CREB5: variants seen among roughly 807,000 people sequenced by gnomAD.
The protein encoded by CREB5 is cyclic AMP-responsive element-binding protein 5.
CREB5 carries 19 observed loss-of-function variants against 57.1 expected under a neutral mutation model. The ratio of observed to expected loss-of-function variants is 0.33; its 90% CI spans 0.23 to 0.49. The LOEUF is 0.49. CREB5 is among the 20% of genes least tolerant of loss of function. CREB5 has a pLI of 0.99. For missense variants in CREB5, 579 were observed against 671.6 expected, an observed-to-expected ratio of 0.86 and a Z score of 1.52; for synonymous variants, 238 against 238.3, an observed-to-expected ratio of 1.00 and a Z score of 0.01.
rs1383271158 is a variant in CREB5, at chr7:28,501,067, C to CT, written c.169+6077dup. 6.6e-5 allele frequency among the ~76,000 whole-genome samples: 10 copies of CT among 151,396 alleles called. No individual in the cohort carries two copies. In the South Asian group the frequency reaches 1.5e-3, roughly 22 times the overall value. ...ACATTAGGTCATTTAATCCTTACCA[C>CT]TTTTTTTTTCATATGAGGAAATAAG... is the stretch of plus-strand genomic sequence containing the variant. On this transcript the variant is annotated intron_variant, in intron 3 of 10. Coordinates refer to ENST00000357727, the MANE Select transcript of CREB5 (RefSeq NM_182898.4).
chr7:28,622,257 TCTCACACA>T (rs1164307965), intron 5 of CREB5, among the ~76,000 whole-genome samples: 37 of 139,314 alleles, frequency 2.7e-4, no homozygotes, highest in African/African-American at 8.9e-4. Context: ...TCTCTCTCTC[TCTCACACA>T]CACACACACA....
At chr7:28,741,659 C>G (rs142210305) in intron 7 of CREB5, among the ~76,000 whole-genome samples, 5 of 152,258 alleles carry the variant, frequency 3.3e-5, no homozygotes, top group African/African-American at 1.2e-4. Context: ...GATTTCGAAA[C>G]CAGAGGAATG....
intron 6 of CREB5, among the ~76,000 whole-genome samples, chr7:28,722,811 T>C (rs976601604): frequency 2.6e-5 from 4 of 152,220 alleles, no homozygotes; most frequent in Non-Finnish European, 5.9e-5. Flanking sequence ...GTAAGACTGA[T>C]GGCTCTTAAC....
chr7:28,529,171 T>C (rs1489329458), intron 4 of CREB5, among the ~76,000 whole-genome samples: 1 of 152,228 alleles, frequency 6.6e-6, no homozygotes, highest in East Asian at 1.9e-4. Context: ...CTGGGCTACA[T>C]CTGGAGGTTC....
At chr7:28,691,297 G>A (rs938469840) in intron 5 of CREB5, among the ~76,000 whole-genome samples, 1 of 151,594 alleles carries the variant, frequency 6.6e-6, no homozygotes, top group African/African-American at 2.4e-5. Context: ...GCGGGTGCCT[G>A]TAATCTCAGC....
chr7:28,692,541 G>C (rs1251074600), intron 5 of CREB5, among the ~76,000 whole-genome samples: 1 of 152,178 alleles, frequency 6.6e-6, no homozygotes, highest in Non-Finnish European at 1.5e-5. Context: ...CTACTTACTG[G>C]TTGTGTGACT....
rs77155875 is a variant in CREB5, at chr7:28,491,865, T to C, written c.76-3041T>C. Among the ~76,000 whole-genome samples, 432 of 152,322 alleles carry C rather than the reference T, an allele frequency of 2.8e-3. 24 individuals are homozygous for C. In the East Asian group the frequency reaches 0.078, roughly 27 times the overall value. On this transcript the variant is annotated intron_variant, in intron 2 of 10. Coordinates refer to ENST00000357727, the MANE Select transcript of CREB5 (RefSeq NM_182898.4). The stretch of plus-strand genomic sequence containing the variant: ...GATGACTGAGAATTGGAAACGGGAA[T>C]AAATATAAGTTATCACTGCTTGCAC...
intron 5 of CREB5, among the ~76,000 whole-genome samples, chr7:28,712,526 T>TATTATTATTATTATTATTA (rs1802452427): frequency 6.8e-6 from 1 of 147,900 alleles, no homozygotes; most frequent in Non-Finnish European, 1.5e-5. Context: ...AAAGAGAATT[T>TATTATTATTATTATTATTA]ATTATTATTA....
intron 5 of CREB5, among the ~76,000 whole-genome samples, chr7:28,714,948 C>G (rs1359041048): frequency 6.6e-6 from 1 of 152,210 alleles, no homozygotes; most frequent in Non-Finnish European, 1.5e-5. Flanking sequence ...GGCAACAAGC[C>G]TGCACTGGAG....
At chr7:28,666,850 T>G (rs1467254393) in intron 5 of CREB5, among the ~76,000 whole-genome samples, 1 of 151,682 alleles carries the variant, frequency 6.6e-6, no homozygotes, top group African/African-American at 2.4e-5. Context: ...GAGGATCAAT[T>G]GAGCTCACTT....
Position 28,804,288 on chromosome 7 carries a change from C to G in CREB5, c.792C>G (p.Ser264=). Reference sequence around the variant, plus strand: ...GACACATGATGGAGATGATGGGCTCCCGGCAGGACCAGACGCCACACCATC... The same window carrying G: ...GACACATGATGGAGATGATGGGCTCGCGGCAGGACCAGACGCCACACCATC... ...TMGHMMEMMG[S]RQDQTPHHHM... Residue 264 remains serine, a synonymous_variant, in exon 8 of 11, where the codon TCC becomes TCG. Transcript: ENST00000357727. 1 of 1,614,022 alleles carries G rather than the reference C, an allele frequency of 6.2e-7. No homozygotes were observed. Among genetic ancestry groups the G allele is most frequent in the South Asian group, 1.1e-5 (1 of 91,066 alleles).
intron 5 of CREB5, among the ~76,000 whole-genome samples, chr7:28,652,676 G>C (rs1259100614): frequency 6.6e-6 from 1 of 152,182 alleles, no homozygotes; most frequent in Non-Finnish European, 1.5e-5. Context: ...AAAATGCCTT[G>C]TGCACAGATT....
intron 1 of CREB5, among the ~76,000 whole-genome samples, chr7:28,349,663 G>A (rs1786150371): frequency 6.6e-6 from 1 of 152,162 alleles, no homozygotes; most frequent in South Asian, 2.1e-4. Context: ...ATGTCAGTGT[G>A]AATAGTTGCC....
intron 5 of CREB5, among the ~76,000 whole-genome samples, chr7:28,641,287 C>A (rs564673556): frequency 6.6e-6 from 1 of 152,238 alleles, no homozygotes; most frequent in African/African-American, 2.4e-5. Flanking sequence ...GGACCACCCC[C>A]CCATCGGGTG....
intron 5 of CREB5, among the ~76,000 whole-genome samples, chr7:28,625,454 G>A (rs985270808): frequency 2.0e-5 from 3 of 152,148 alleles, no homozygotes; most frequent in African/African-American, 7.2e-5. Flanking sequence ...CAAAAAAAAG[G>A]CATTCTACCC....
At chr7:28,314,715 G>A (rs1785342557) in intron 1 of CREB5, among the ~76,000 whole-genome samples, 1 of 152,178 alleles carries the variant, frequency 6.6e-6, no homozygotes, top group Non-Finnish European at 1.5e-5. Flanking sequence ...ACTTCCTGAA[G>A]GGGAATCTTG....
At chr7:28,713,654 T>C (rs937231117) in intron 5 of CREB5, among the ~76,000 whole-genome samples, 5 of 152,242 alleles carry the variant, frequency 3.3e-5, no homozygotes, top group Admixed American at 6.5e-5. Context: ...CTTATCATGA[T>C]GGAAGTCATA....
intron 1 of CREB5, among the ~76,000 whole-genome samples, chr7:28,486,692 A>ATATATATATATATATATG (rs1454784678): frequency 7.2e-6 from 1 of 138,564 alleles, no homozygotes. Context: ...ATATATATAT[A>ATATATATATATATATATG]TGTTACTGTG....
Position 28,379,655 on chromosome 7 carries a change from C to T in CREB5, c.-25+80214C>T, listed in dbSNP as rs147856558. On this transcript the variant is annotated intron_variant, in intron 1 of 9. Coordinates refer to the CREB5 transcript ENST00000396299. ...CCTGGTGCCTGGGTTACACATGCCC[C>T]GAAAGGTTCAGATTTAATTGGTCTG... 2.1e-3 allele frequency among the ~76,000 whole-genome samples: 315 copies of T among 152,172 alleles called. 1 individual carries two copies. Among genetic ancestry groups the T allele is most frequent in the African/African-American group, 7.0e-3 (289 of 41,506 alleles).
Sources: gnomAD v4.1 joint callset for allele counts (sites outside exome capture counted in the v4.1 genomes callset) on GRCh38, gnomAD v4.1.1 for gene constraint, MANE v1.5 for transcripts, NCBI Gene and HGNC (gene_info 2026-07-23, HGNC 2026-07-21) for gene names.